AGBL1: variants seen among roughly 807,000 people sequenced by gnomAD.
AGBL1 encodes AGBL carboxypeptidase 1, also known as cytosolic carboxypeptidase 4.
In AGBL1, 130 loss-of-function variants were observed where a neutral mutation model predicts 118.9. The observed-to-expected ratio is 1.09, with a 90% CI of 0.95 to 1.26. The LOEUF is 1.26. AGBL1 is among the 50% of genes most tolerant of loss of function. The pLI, the probability that AGBL1 is intolerant of heterozygous loss-of-function variation, is 0.00. For missense variants in AGBL1, 1,584 were observed against 1,298.1 expected, an observed-to-expected ratio of 1.22 and a Z score of -3.38; for synonymous variants, 555 against 478.9, an observed-to-expected ratio of 1.16 and a Z score of -2.08.
chr15:86,428,285 G>A (rs1166434364), intron 18 of AGBL1, among the ~76,000 whole-genome samples: 1 of 152,184 alleles, frequency 6.6e-6, no homozygotes, highest in East Asian at 1.9e-4. Flanking sequence ...GGGAGTTCCT[G>A]TTGCTCTAGG....
intron 17 of AGBL1, among the ~76,000 whole-genome samples, chr15:86,374,130 A>C (rs1485785128): frequency 6.6e-6 from 1 of 152,230 alleles, no homozygotes. Context: ...TGAAGGTCCC[A>C]GCAATTGTTA....
chr15:86,160,974 C>T (rs930140826), intron 5 of AGBL1, among the ~76,000 whole-genome samples: 2 of 152,160 alleles, frequency 1.3e-5, no homozygotes, highest in African/African-American at 4.8e-5. Context: ...GCATAGAAAC[C>T]TCTTCCTCAG....
chr15:86,166,359 G>A (rs1414171719), intron 5 of AGBL1, among the ~76,000 whole-genome samples: 1 of 152,210 alleles, frequency 6.6e-6, no homozygotes, highest in African/African-American at 2.4e-5. Context: ...TCTTGGGCTT[G>A]TGAAATGACC....
At chr15:86,674,230 C>T (rs752748201) in intron 21 of AGBL1, 43 bp from the exon 22 acceptor site, 3 of 1,560,196 alleles carry the variant, frequency 1.9e-6, no homozygotes, top group Middle Eastern at 1.7e-4. Context: ...CCACTCAGCT[C>T]CCATTATACG....
At chr15:86,210,448 A>T (rs1250920072) in intron 5 of AGBL1, among the ~76,000 whole-genome samples, 1 of 152,186 alleles carries the variant, frequency 6.6e-6, no homozygotes, top group Non-Finnish European at 1.5e-5. Context: ...ACTTTCAGGT[A>T]CACCAATCAA....
intron 19 of AGBL1, among the ~76,000 whole-genome samples, chr15:86,526,556 A>ATATATATATT (rs2083266046): frequency 7.2e-6 from 1 of 137,980 alleles, no homozygotes; most frequent in African/African-American, 2.8e-5. Context: ...ATATATATAT[A>ATATATATATT]TATATATATA....
chr15:86,577,911 G>T (rs1353900620), intron 21 of AGBL1, among the ~76,000 whole-genome samples: 1 of 152,242 alleles, frequency 6.6e-6, no homozygotes, highest in African/African-American at 2.4e-5. Flanking sequence ...GAAGTTTGCT[G>T]CAGGGGCAGG....
chr15:86,709,227 C>A (rs1039504774), intron 22 of AGBL1, among the ~76,000 whole-genome samples: 1 of 152,156 alleles, frequency 6.6e-6, no homozygotes, highest in Non-Finnish European at 1.5e-5. Flanking sequence ...ACTTTTCTTA[C>A]ATCAGTCTAT....
chr15:87,028,718 A>T (rs1226763511), intron 24 of AGBL1: 1 of 966,514 alleles, frequency 1.0e-6, no homozygotes, highest in African/African-American at 1.6e-5. Context: ...TAGATGAGGA[A>T]AATGAATTTC....
intron 21 of AGBL1, among the ~76,000 whole-genome samples, chr15:86,599,420 T>C (rs1034329114): frequency 2.0e-5 from 3 of 152,148 alleles, no homozygotes; most frequent in African/African-American, 7.2e-5. Flanking sequence ...TCTATATTTA[T>C]GCTTTTTCTT....
At chr15:86,298,246 A>AATATATATATATATATATAT (rs59968237) in intron 17 of AGBL1, among the ~76,000 whole-genome samples, 290 of 69,674 alleles carry the variant, frequency 4.2e-3, no homozygotes, top group Non-Finnish European at 5.2e-3. Context: ...GTCTGTGTAT[A>AATATATATATATATATATAT]ATATATATAT....
chr15:86,996,125 A>G (rs1363309471), intron 24 of AGBL1, among the ~76,000 whole-genome samples: 2 of 152,174 alleles, frequency 1.3e-5, no homozygotes, highest in Non-Finnish European at 2.9e-5. Context: ...TAGCCCTGCT[A>G]TGGATATTTT....
At chr15:86,230,375 A>G (rs1288535490) in intron 6 of AGBL1, among the ~76,000 whole-genome samples, 1 of 152,218 alleles carries the variant, frequency 6.6e-6, no homozygotes, top group Non-Finnish European at 1.5e-5. Flanking sequence ...AAGAATTCTA[A>G]GAGTTCCAAG....
chr15:86,710,121 A>T (rs940190585), intron 22 of AGBL1, among the ~76,000 whole-genome samples: 3 of 152,160 alleles, frequency 2.0e-5, no homozygotes, highest in Non-Finnish European at 4.4e-5. Flanking sequence ...ATTGTATGTG[A>T]TCACTTTTTG....
At chr15:86,517,686 T>C (rs2083138142) in intron 18 of AGBL1, among the ~76,000 whole-genome samples, 1 of 152,210 alleles carries the variant, frequency 6.6e-6, no homozygotes, top group African/African-American at 2.4e-5. Flanking sequence ...CTCCTGAGCA[T>C]TTTGCGTGAC....
At chr15:86,509,994 A>G (rs1226457227) in intron 18 of AGBL1, among the ~76,000 whole-genome samples, 2 of 143,388 alleles carry the variant, frequency 1.4e-5, no homozygotes, top group Non-Finnish European at 3.0e-5. Flanking sequence ...AGTGCTATCC[A>G]TTTTCTCCTA....
At chr15:86,997,806 A>T (rs1318365095) in intron 24 of AGBL1, among the ~76,000 whole-genome samples, 1 of 151,512 alleles carries the variant, frequency 6.6e-6, no homozygotes, top group South Asian at 2.1e-4. Context: ...AAACACCTGA[A>T]CTGTGCATTC....
At chr15:86,541,741 C>A (rs1029351816) in intron 19 of AGBL1, among the ~76,000 whole-genome samples, 2 of 151,928 alleles carry the variant, frequency 1.3e-5, no homozygotes, top group Non-Finnish European at 2.9e-5. Context: ...CTGGAAAATT[C>A]TGTAATAACA....
intron 17 of AGBL1, among the ~76,000 whole-genome samples, chr15:86,364,507 G>A (rs796624874): frequency 1.6e-4 from 24 of 152,076 alleles, no homozygotes; most frequent in African/African-American, 3.1e-4. Flanking sequence ...ATTTTAATGC[G>A]TCCACCATTG....
Sources: gnomAD v4.1 joint callset for allele counts (sites outside exome capture counted in the v4.1 genomes callset) on GRCh38, gnomAD v4.1.1 for gene constraint, MANE v1.5 for transcripts, NCBI Gene and HGNC (gene_info 2026-07-23, HGNC 2026-07-21) for gene names.